IGF1R: variants seen among roughly 807,000 people sequenced by gnomAD.
The protein encoded by IGF1R is insulin like growth factor 1 receptor, also known as insulin-like growth factor 1 receptor.
In IGF1R, 44 loss-of-function variants were observed where a neutral mutation model predicts 144.6. The ratio of observed to expected loss-of-function variants is 0.30; its 90% CI spans 0.24 to 0.39. The LOEUF (loss-of-function observed/expected upper bound fraction) is 0.39, where lower values mean the gene tolerates loss of function less well. IGF1R is among the 10% of genes least tolerant of loss of function. The probability of loss-of-function intolerance (pLI) is 1.00; values close to 1 mark genes in which losing one functional copy is unlikely to be tolerated. For synonymous variants in IGF1R, 795 were observed against 722.8 expected (o/e 1.10, Z -1.60); for missense variants, 1,355 against 1,833.7 (o/e 0.74, Z 4.77).
intron 2 of IGF1R, among the ~76,000 whole-genome samples, chr15:98,763,847 C>T (rs1229272973): frequency 6.6e-6 from 1 of 152,196 alleles, no homozygotes; most frequent in Non-Finnish European, 1.5e-5. Flanking sequence ...CAAGGCTCTG[C>T]AGCTGCGATG....
At chr15:98,896,547 G>A (rs1228470018) in intron 3 of IGF1R, among the ~76,000 whole-genome samples, 1 of 152,188 alleles carries the variant, frequency 6.6e-6, no homozygotes, top group Non-Finnish European at 1.5e-5. Flanking sequence ...TTCCTTTGTA[G>A]GCTGTTTCTC....
intron 2 of IGF1R, among the ~76,000 whole-genome samples, chr15:98,720,261 TC>T (rs1369981698): frequency 6.6e-6 from 1 of 152,182 alleles, no homozygotes; most frequent in East Asian, 1.9e-4. Context: ...AGCTTCATGA[TC>T]GGGGGAATTT....
At chr15:98,755,618 C>T (rs181104176) in intron 2 of IGF1R, among the ~76,000 whole-genome samples, 4,109 of 145,760 alleles carry the variant, frequency 0.028, 77 homozygotes, top group East Asian at 0.06. Flanking sequence ...GCAGTGGAGG[C>T]TGAGGCAGGA....
intron 1 of IGF1R, among the ~76,000 whole-genome samples, chr15:98,670,522 A>G (rs960417014): frequency 3.9e-5 from 6 of 152,168 alleles, no homozygotes; most frequent in African/African-American, 1.4e-4. Context: ...TCCCTTACAT[A>G]TTGGTTCTCT....
At chr15:98,877,489 CTTTTT>C (rs5814908) in intron 2 of IGF1R, among the ~76,000 whole-genome samples, 5 of 85,580 alleles carry the variant, frequency 5.8e-5, no homozygotes, top group South Asian at 4.8e-4. Flanking sequence ...CACTAGCAGC[CTTTTT>C]TTTTTTTTTT....
At chr15:98,849,473 G>A (rs1298014316) in intron 2 of IGF1R, among the ~76,000 whole-genome samples, 5 of 152,182 alleles carry the variant, frequency 3.3e-5, no homozygotes, top group Admixed American at 3.3e-4. Context: ...AGAACACATA[G>A]CGAGTTCCTT....
intron 1 of IGF1R, among the ~76,000 whole-genome samples, chr15:98,661,646 T>C (rs2052601084): frequency 6.6e-6 from 1 of 152,224 alleles, no homozygotes; most frequent in South Asian, 2.1e-4. Context: ...TTTGAAGCCT[T>C]GTCCCCTCAA....
chr15:98,960,292 CTT>C lies in IGF1R; in HGVS notation c.*2856_*2857del, dbSNP rs397836919. ...TTCTGAGATGTCCTGTTTTGTGTTG[CTT>C]TTTTTGTTTTGTTTTCTATCTTGGT... On this transcript the variant is annotated 3_prime_UTR_variant, in exon 21 of 21. Coordinates refer to ENST00000650285, the MANE Select transcript of IGF1R (RefSeq NM_000875.5). 8.7e-6 allele frequency: 2 copies of C among 230,958 alleles called. No homozygotes were observed. Among genetic ancestry groups the C allele is most frequent in the Non-Finnish European group, 1.7e-5 (2 of 117,092 alleles). The allele number at this position is 230,958 out of a possible 1,614,324, so 14.3% of individuals were successfully genotyped here.
chr15:98,728,313 A>G (rs973724468), intron 2 of IGF1R, among the ~76,000 whole-genome samples: 5 of 151,892 alleles, frequency 3.3e-5, no homozygotes, highest in African/African-American at 1.2e-4. Flanking sequence ...CTGGGTGGGG[A>G]TGAGAATGGT....
intron 2 of IGF1R, among the ~76,000 whole-genome samples, chr15:98,883,972 G>C (rs1225283987): frequency 6.6e-6 from 1 of 152,164 alleles, no homozygotes; most frequent in Non-Finnish European, 1.5e-5. Context: ...TGAGGCTCCA[G>C]ATAATTCCAC....
At chr15:98,765,308 C>CTTT (rs139280569) in intron 2 of IGF1R, among the ~76,000 whole-genome samples, 670 of 61,798 alleles carry the variant, frequency 0.011, 75 homozygotes, top group Admixed American at 0.018. Context: ...ATGCCAACAC[C>CTTT]TTTTTTTTTT....
In IGF1R at chr15:98,648,959, T is replaced by C. The variant is rs1230785400; in HGVS notation, c.-623T>C. 2.0e-5 allele frequency: 4 copies of C among 195,754 alleles called. No homozygotes were observed. The highest frequency in any genetic ancestry group is 9.5e-5 in the African/African-American group (4 of 42,160). 12.1% of individuals were successfully genotyped at this position (195,754 alleles called of 1,614,324 possible). ...CGCGGCCGGCCCGCCGCTTTGTGTG[T>C]GTCCTGGATTTGGGAAGGAGCTCGC... On this transcript the variant is annotated 5_prime_UTR_variant, in exon 1 of 21. Coordinates refer to ENST00000650285, the MANE Select transcript of IGF1R (RefSeq NM_000875.5).
intron 2 of IGF1R, among the ~76,000 whole-genome samples, chr15:98,821,125 A>T (rs1287935001): frequency 6.6e-6 from 1 of 152,220 alleles, no homozygotes; most frequent in African/African-American, 2.4e-5. Context: ...GATAGATAAA[A>T]TGAAGAAAAA....
chr15:98,747,289 C>A (rs528784496), intron 2 of IGF1R, among the ~76,000 whole-genome samples: 2 of 152,074 alleles, frequency 1.3e-5, no homozygotes, highest in Non-Finnish European at 2.9e-5. Flanking sequence ...CTCCACCTCC[C>A]GGGTTCAAGT....
chr15:98,650,447 C>T (rs942874517), intron 1 of IGF1R, among the ~76,000 whole-genome samples: 2 of 152,214 alleles, frequency 1.3e-5, no homozygotes, highest in Non-Finnish European at 2.9e-5. Flanking sequence ...CAGCTTGTCT[C>T]TTCCGGGGAG....
intron 2 of IGF1R, among the ~76,000 whole-genome samples, chr15:98,822,983 CTT>C (rs528036512): frequency 2.6e-5 from 4 of 152,168 alleles, no homozygotes; most frequent in Non-Finnish European, 5.9e-5. Context: ...TGAAAACAAA[CTT>C]TGAGGATTTT....
chr15:98,810,984 G>A (rs917058658), intron 2 of IGF1R, among the ~76,000 whole-genome samples: 3 of 151,992 alleles, frequency 2.0e-5, no homozygotes, highest in Non-Finnish European at 2.9e-5. Flanking sequence ...CATATTGTCT[G>A]TAGACAACCT....
chr15:98,943,793 GT>G (rs1234801028), intron 19 of IGF1R, among the ~76,000 whole-genome samples: 1 of 152,184 alleles, frequency 6.6e-6, no homozygotes, highest in Non-Finnish European at 1.5e-5. Context: ...GGGGGATCCC[GT>G]TGCTGTTGTG....
Position 98,911,418 on chromosome 15 carries a change from C to T in IGF1R, c.1566C>T (p.Ser522=), listed in dbSNP as rs765215479. 1.6e-5 allele frequency: 26 copies of T among 1,614,108 alleles called. No homozygotes were observed. The highest frequency in any genetic ancestry group is 2.7e-5 in the African/African-American group (2 of 74,936). ...CCCCTGACTACAGGGATCTCATCAG[C>T]TTCACCGTTTACTACAAGGAAGCGT... is the stretch of plus-strand genomic sequence containing the variant. ...YRPPDYRDLI[S]FTVYYKEAPF... is the part of the protein sequence containing the mutation. Residue 522 remains serine, a synonymous_variant, in exon 7 of 21, where the codon AGC becomes AGT. Coordinates refer to ENST00000650285, the MANE Select transcript of IGF1R (RefSeq NM_000875.5).
Sources: gnomAD v4.1 joint callset for allele counts (sites outside exome capture counted in the v4.1 genomes callset) on GRCh38, gnomAD v4.1.1 for gene constraint, MANE v1.5 for transcripts, NCBI Gene and HGNC (gene_info 2026-07-23, HGNC 2026-07-21) for gene names.